The following MSANTD2 variants were observed in gnomAD, a reference collection of about 807,000 sequenced individuals.
MSANTD2 encodes the protein Myb/SANT DNA binding domain containing 2.
MSANTD2 carries 19 observed loss-of-function variants against 52.6 expected under a neutral mutation model. The ratio of observed to expected loss-of-function variants is 0.36; its 90% CI spans 0.25 to 0.53. The LOEUF (loss-of-function observed/expected upper bound fraction) is 0.53. MSANTD2 is among the 20% of genes least tolerant of loss of function. MSANTD2 has a pLI of 0.91. For missense variants in MSANTD2, 558 were observed against 716.3 expected (o/e 0.78, Z 2.52); for synonymous variants, 291 against 289.7 (o/e 1.00, Z -0.04).
At chr11:124,792,649 G>A (rs1945368600) in intron 1 of MSANTD2, 1 of 152,152 alleles carries the variant, frequency 6.6e-6, no homozygotes, top group Admixed American at 6.5e-5. Context: ...TCACAATATT[G>A]TAATTGGTTC....
In MSANTD2 at chr11:124,774,206, C is replaced by T. The variant is rs1944651544; in HGVS notation, c.766+513G>A. Among the ~76,000 whole-genome samples the T allele has an allele frequency of 6.6e-6, 1 of 152,172 alleles. No individual in the cohort carries two copies. Among genetic ancestry groups the T allele is most frequent in the South Asian group, 2.1e-4 (1 of 4,826 alleles). ...CTATTCAAGATAAATGGAGGCTTCC[C>T]CTCATTTTGTGTTCAGGCTCAAGTC... On this transcript the variant is annotated intron_variant, in intron 2 of 3. Transcript: ENST00000374979. The surrounding 1 kb of genome is among the most constrained non-coding windows in gnomAD (Gnocchi z 5.1).
In MSANTD2 at chr11:124,800,288, C is replaced by G. The variant is rs76635716; in HGVS notation, c.93G>C (p.Leu31=). The G allele has an allele frequency of 4.5e-6, 7 of 1,568,110 alleles. No homozygotes were observed. The highest frequency in any genetic ancestry group is 6.0e-6 in the Non-Finnish European group (7 of 1,159,800). ...CGGACAGCGATGGATTTCCGTCGCT[C>G]AGGCCACCAGGAGAAGCCGGGGAAA... The part of the protein sequence containing the change: ...EVLSPASPGG[L]SDGNPSLSDP... Residue 31 remains leucine, a synonymous_variant, in exon 1 of 4, where the codon CTG becomes CTC. Transcript: ENST00000374979. This position sits in a 1 kb window ranked among gnomAD's most constrained non-coding sequence, Gnocchi z 4.3.
At position 124,779,459 on chromosome 11, in the gene MSANTD2, T is replaced by C. The variant is rs1229436578; in HGVS notation, c.511-4485A>G. 7.2e-5 allele frequency among the ~76,000 whole-genome samples: 11 copies of C among 152,202 alleles called. No homozygotes were observed. The highest frequency in any genetic ancestry group is 7.2e-4 in the Admixed American group (11 of 15,278). The stretch of plus-strand genomic sequence containing the variant: ...AAGTTTGCCCCATTTCATACAATCA[T>C]AAAATATTCACCAGGACAAAAACAC... On this transcript the variant is annotated intron_variant, in intron 1 of 3. Transcript: ENST00000374979. This position sits in a 1 kb window ranked among gnomAD's most constrained non-coding sequence, Gnocchi z 4.6.
At chr11:124,796,539 T>C (rs1387044579) in intron 1 of MSANTD2, among the ~76,000 whole-genome samples, 1 of 152,144 alleles carries the variant, frequency 6.6e-6, no homozygotes, top group Non-Finnish European at 1.5e-5. Context: ...CTCAAATTCA[T>C]GAGCTCAAGC....
intron 1 of MSANTD2, among the ~76,000 whole-genome samples, chr11:124,788,515 T>G (rs1305485422): frequency 1.3e-5 from 2 of 152,246 alleles, no homozygotes; most frequent in African/African-American, 4.8e-5. Context: ...GTGCTTATAT[T>G]ACTTACATAA....
chr11:124,791,600 G>A, intron 1 of MSANTD2: 1 of 1,467,574 alleles, frequency 6.8e-7, no homozygotes, highest in Non-Finnish European at 9.5e-7. Context: ...TAAGCCCGCT[G>A]CCCAATATCA....
rs569954076 is a variant in MSANTD2 at position 124,791,273 on chromosome 11, A to T, written c.510+8598T>A. Reference sequence around the variant, plus strand: ...AGCAAACCTGGAGTATCCTTGGTCTACTCCATGCCCTCCTAGAACTGTCCC... The same window carrying T: ...AGCAAACCTGGAGTATCCTTGGTCTTCTCCATGCCCTCCTAGAACTGTCCC... On this transcript the variant is annotated intron_variant, in intron 1 of 3. Transcript: ENST00000374979. 1,048 of 1,455,804 alleles carry T rather than the reference A, an allele frequency of 7.2e-4. 1 individual carries two copies. The highest frequency in any genetic ancestry group is 8.4e-4 in the Non-Finnish European group (875 of 1,038,538). The allele number at this position is 1,455,804 out of a possible 1,614,324, so 90.2% of individuals were successfully genotyped here.
intron 1 of MSANTD2, among the ~76,000 whole-genome samples, chr11:124,795,638 T>C (rs140207941): frequency 7.2e-4 from 109 of 152,344 alleles, no homozygotes; most frequent in African/African-American, 1.3e-3. Context: ...CAAGCTTCAA[T>C]TGGATTTTAT....
chr11:124,784,622 G>A, intron 1 of MSANTD2: 1 of 985,020 alleles, frequency 1.0e-6, no homozygotes, highest in Middle Eastern at 5.2e-4. Flanking sequence ...CCCTGAAGCA[G>A]TAGGCCACTT....
chr11:124,792,361 T>A (rs532386296), intron 1 of MSANTD2: 12 of 152,380 alleles, frequency 7.9e-5, no homozygotes, highest in African/African-American at 2.9e-4. Flanking sequence ...CCACATGCCA[T>A]GCACTACTGG....
intron 1 of MSANTD2, chr11:124,790,497 T>C (rs1319922610): frequency 1.3e-5 from 2 of 152,256 alleles, no homozygotes; most frequent in African/African-American, 4.8e-5. Context: ...CCCAGATTCT[T>C]CGAAACAGGT....
intron 2 of MSANTD2, chr11:124,773,487 C>A (rs1199910279): frequency 6.3e-6 from 1 of 159,052 alleles, no homozygotes; most frequent in Non-Finnish European, 1.4e-5. Context: ...CTCTCTACAG[C>A]AAAACCAGTG....
chr11:124,790,939 G>A (rs1945312029), intron 1 of MSANTD2: 1 of 286,822 alleles, frequency 3.5e-6, no homozygotes, highest in Non-Finnish European at 6.7e-6. Flanking sequence ...AGAACACAAT[G>A]AATGAAAAAA....
chr11:124,768,496 G>A (rs539093575), intron 3 of MSANTD2, among the ~76,000 whole-genome samples: 11 of 152,254 alleles, frequency 7.2e-5, no homozygotes, highest in South Asian at 6.2e-4. Context: ...AGTATCTGGC[G>A]TCACTTAAAA....
At chr11:124,788,933 C>T (rs751612201) in intron 1 of MSANTD2, among the ~76,000 whole-genome samples, 1 of 152,206 alleles carries the variant, frequency 6.6e-6, no homozygotes, top group Admixed American at 6.5e-5. Flanking sequence ...GTGTTAATTG[C>T]TTAATTATAT....
chr11:124,767,009 T>C lies in MSANTD2; in HGVS notation c.*167A>G, dbSNP rs1418348419. On this transcript the variant is annotated 3_prime_UTR_variant, in exon 4 of 4. Transcript: ENST00000374979. This position sits in a 1 kb window ranked among gnomAD's most constrained non-coding sequence, Gnocchi z 6.5. ...AGCATTTTCAGGTGAGGTCTGTTTT[T>C]TCTGGCCCAAGTCTACTATGATTCC... 7 of 676,696 alleles carry C rather than the reference T, an allele frequency of 1.0e-5. No homozygotes were observed. The highest frequency in any genetic ancestry group is 1.7e-5 in the Non-Finnish European group (7 of 421,944). 41.9% of individuals were successfully genotyped at this position (676,696 alleles called of 1,614,324 possible).
intron 1 of MSANTD2, among the ~76,000 whole-genome samples, chr11:124,781,183 CAAAA>C (rs373484883): frequency 4.8e-5 from 3 of 62,954 alleles, no homozygotes; most frequent in Admixed American, 1.9e-4. Flanking sequence ...GTCTCTGTCT[CAAAA>C]AAAAAAAAAA....
intron 1 of MSANTD2, among the ~76,000 whole-genome samples, chr11:124,786,310 G>T (rs371937168): frequency 1.3e-4 from 20 of 151,712 alleles, no homozygotes; most frequent in East Asian, 5.8e-4. Context: ...TCTACTTTTA[G>T]CTTTCTCAAT....
At chr11:124,798,440 G>A (rs1945567000) in intron 1 of MSANTD2, among the ~76,000 whole-genome samples, 1 of 152,034 alleles carries the variant, frequency 6.6e-6, no homozygotes, top group Non-Finnish European at 1.5e-5. Context: ...TCAGAGAAGA[G>A]TAGCTTTGTC....
Sources: allele counts gnomAD v4.1 joint callset (sites outside exome capture counted in the v4.1 genomes callset), GRCh38; gene constraint gnomAD v4.1.1; non-coding constraint Gnocchi (gnomAD v3.1); transcripts MANE v1.5; gene names NCBI Gene and HGNC (gene_info 2026-07-23, HGNC 2026-07-21).